Variants in ZFPM2 observed in about 807,000 individuals in gnomAD.
ZFPM2 encodes zinc finger protein ZFPM2.
A neutral mutation model predicts 98.6 loss-of-function variants in ZFPM2; 20 were observed. The observed-to-expected ratio is 0.20, with a 90% CI of 0.14 to 0.29. The LOEUF (loss-of-function observed/expected upper bound fraction) is 0.29. ZFPM2 is among the 10% of genes least tolerant of loss of function. The pLI is 1.00. For synonymous variants in ZFPM2, 518 were observed against 502.7 expected, an observed-to-expected ratio of 1.03 and a Z score of -0.41; for missense variants, 1,310 against 1,388.6, an observed-to-expected ratio of 0.94 and a Z score of 0.90.
intron 5 of ZFPM2, among the ~76,000 whole-genome samples, chr8:105,669,794 CAT>C (rs1444103071): frequency 1.3e-5 from 2 of 152,158 alleles, no homozygotes; most frequent in Non-Finnish European, 2.9e-5. Context: ...ACAGCTATGT[CAT>C]GTAGGATAAC....
At chr8:105,674,528 T>G (rs1283601161) in intron 5 of ZFPM2, among the ~76,000 whole-genome samples, 2 of 152,228 alleles carry the variant, frequency 1.3e-5, no homozygotes, top group Non-Finnish European at 2.9e-5. Context: ...TGGTTTGCAT[T>G]GTTCATTTCT....
intron 3 of ZFPM2, among the ~76,000 whole-genome samples, chr8:105,456,771 C>T (rs1469600903): frequency 1.3e-5 from 2 of 152,114 alleles, no homozygotes; most frequent in Non-Finnish European, 2.9e-5. Context: ...CTCCTGGGTT[C>T]AAGCGATTCT....
intron 3 of ZFPM2, among the ~76,000 whole-genome samples, chr8:105,446,918 T>G (rs916303830): frequency 6.6e-6 from 1 of 152,122 alleles, no homozygotes; most frequent in Admixed American, 6.5e-5. Flanking sequence ...ATCAGGAGAT[T>G]AGGGAGAAAG....
intron 1 of ZFPM2, among the ~76,000 whole-genome samples, chr8:105,330,541 T>TATATATATATACATATATATATATATAC (rs1563606419): frequency 8.5e-5 from 7 of 82,452 alleles, no homozygotes; most frequent in Non-Finnish European, 1.4e-4. Context: ...TCTCTCTCTA[T>TATATATATATACATATATATATATATAC]ATATATATAT....
intron 3 of ZFPM2, among the ~76,000 whole-genome samples, chr8:105,460,123 G>A (rs527678124): frequency 1.3e-5 from 2 of 152,268 alleles, no homozygotes; most frequent in South Asian, 2.1e-4. Flanking sequence ...GCAGCCTAAG[G>A]TTGTATAGGA....
rs867437305 is a variant in ZFPM2 at position 105,489,438 on chromosome 8, A to G, written c.301+45057A>G. On this transcript the variant is annotated intron_variant, in intron 3 of 7. Transcript: ENST00000407775. ...ATATATCTTTTATATATATTTATAG[A>G]TATATGTTTTTATATATATATATAT... 1.2e-3 allele frequency among the ~76,000 whole-genome samples: 158 copies of G among 133,222 alleles called. 1 individual carries two copies. Among genetic ancestry groups the G allele is most frequent in the Non-Finnish European group, 1.8e-3 (118 of 64,226 alleles). 87.4% of individuals were successfully genotyped at this position (133,222 alleles called of 152,430 possible). A position where few individuals can be genotyped will look rare whatever the true frequency, so the allele number is the denominator to read the frequency against.
intron 3 of ZFPM2, among the ~76,000 whole-genome samples, chr8:105,546,067 G>T (rs757089449): frequency 2.0e-5 from 3 of 152,056 alleles, no homozygotes; most frequent in Admixed American, 6.6e-5. Context: ...ATTACCTTTG[G>T]GGGTAGAATC....
chr8:105,733,069 A>G (rs935454979), intron 5 of ZFPM2, among the ~76,000 whole-genome samples: 1 of 151,934 alleles, frequency 6.6e-6, no homozygotes, highest in African/African-American at 2.4e-5. Context: ...GTTCATACTA[A>G]TGATTGGAAT....
At chr8:105,394,487 A>G (rs571930088) in intron 1 of ZFPM2, among the ~76,000 whole-genome samples, 11 of 152,334 alleles carry the variant, frequency 7.2e-5, no homozygotes, top group East Asian at 1.9e-4. Flanking sequence ...AATGTTATTG[A>G]AAGTTCCTTG....
intron 5 of ZFPM2, among the ~76,000 whole-genome samples, chr8:105,691,312 G>A (rs1488622734): frequency 8.5e-6 from 1 of 116,986 alleles, no homozygotes; most frequent in South Asian, 2.8e-4. Context: ...GCAGTGGCGG[G>A]ATCTCGGCTC....
At chr8:105,469,751 T>G (rs528357426) in intron 3 of ZFPM2, among the ~76,000 whole-genome samples, 1 of 152,312 alleles carries the variant, frequency 6.6e-6, no homozygotes, top group East Asian at 1.9e-4. Context: ...GTTAACTCAT[T>G]TAGTCTCATA....
At chr8:105,397,590 A>T (rs114625945) in intron 1 of ZFPM2, among the ~76,000 whole-genome samples, 228 of 152,166 alleles carry the variant, frequency 1.5e-3, no homozygotes, top group African/African-American at 5.3e-3. Context: ...TATTTAATAG[A>T]GCTACTGAGG....
rs149174702 is a variant in ZFPM2, at chr8:105,788,092, TGAA to T, written c.533-621_533-619del. 2.5e-3 allele frequency among the ~76,000 whole-genome samples: 387 copies of T among 152,286 alleles called. 2 individuals carry two copies. Among genetic ancestry groups the T allele is most frequent in the African/African-American group, 8.4e-3 (349 of 41,570 alleles). ...GAAGTTCAATCAGGGTAAATGGAGA[TGAA>T]GAAGCTACATTATACGGAATATTAT... On this transcript the variant is annotated intron_variant, in intron 5 of 7. Transcript: ENST00000407775.
intron 1 of ZFPM2, among the ~76,000 whole-genome samples, chr8:105,386,060 T>G (rs753412577): frequency 6.6e-6 from 1 of 152,178 alleles, no homozygotes; most frequent in Non-Finnish European, 1.5e-5. Flanking sequence ...AATAAATTAA[T>G]GTAAGTAAAC....
chr8:105,417,491 A>G (rs1402160909), intron 1 of ZFPM2, among the ~76,000 whole-genome samples: 1 of 152,152 alleles, frequency 6.6e-6, no homozygotes, highest in Non-Finnish European at 1.5e-5. Flanking sequence ...TGTTATAATT[A>G]CATTTGTTGA....
At chr8:105,489,450 A>T (rs1283575278) in intron 3 of ZFPM2, among the ~76,000 whole-genome samples, 84 of 64,616 alleles carry the variant, frequency 1.3e-3, no homozygotes, top group African/African-American at 4.1e-3. Context: ...ATATGTTTTT[A>T]TATATATATA....
intron 5 of ZFPM2, among the ~76,000 whole-genome samples, chr8:105,783,523 A>G (rs935908516): frequency 1.1e-4 from 17 of 152,074 alleles, no homozygotes; most frequent in African/African-American, 4.1e-4. Flanking sequence ...CTGAAATTCT[A>G]TTTATGCTAA....
chr8:105,619,950 G>C (rs1816500247), intron 4 of ZFPM2, among the ~76,000 whole-genome samples: 1 of 152,088 alleles, frequency 6.6e-6, no homozygotes, highest in African/African-American at 2.4e-5. Context: ...ATTTGGGTTG[G>C]CTCCAAGTCT....
intron 5 of ZFPM2, among the ~76,000 whole-genome samples, chr8:105,697,957 G>C (rs1811056782): frequency 6.6e-6 from 1 of 152,160 alleles, no homozygotes; most frequent in Admixed American, 6.5e-5. Context: ...TTCAAACAAG[G>C]AGAAGAAGGG....
Sources: allele counts gnomAD v4.1 joint callset (sites outside exome capture counted in the v4.1 genomes callset), GRCh38; gene constraint gnomAD v4.1.1; transcripts MANE v1.5; gene names NCBI Gene and HGNC (gene_info 2026-07-23, HGNC 2026-07-21).